LAMB4: variants seen among roughly 807,000 people sequenced by gnomAD.
LAMB4 encodes laminin subunit beta-4.
LAMB4 carries 196 observed loss-of-function variants against 199.2 expected under a neutral mutation model. That is an observed-to-expected ratio of 0.98 (90% confidence interval 0.88 to 1.11). The LOEUF is 1.11. Among genes scored for constraint, LAMB4 ranks in the 50% least tolerant of loss-of-function variants. The pLI, the probability that LAMB4 is intolerant of heterozygous loss-of-function variation, is 0.00. For missense variants in LAMB4, 2,080 were observed against 2,171.2 expected, an observed-to-expected ratio of 0.96 and a Z score of 0.83; for synonymous variants, 744 against 770.6, an observed-to-expected ratio of 0.97 and a Z score of 0.57.
chr7:108,025,726 C>T (rs970057530), intron 33 of LAMB4, among the ~76,000 whole-genome samples: 3 of 152,146 alleles, frequency 2.0e-5, no homozygotes, highest in Non-Finnish European at 4.4e-5. Flanking sequence ...CCACACCTGG[C>T]TGAAACTTTC....
chr7:108,070,030 T>G, intron 17 of LAMB4, 145 bp from the exon 18 acceptor site: 1 of 457,456 alleles, frequency 2.2e-6, no homozygotes. Flanking sequence ...CTGAAGACTT[T>G]AAAGATTTTC....
At chr7:108,110,713 G>A (rs1172894157) in intron 4 of LAMB4, among the ~76,000 whole-genome samples, 2 of 152,126 alleles carry the variant, frequency 1.3e-5, no homozygotes, top group Non-Finnish European at 2.9e-5. Context: ...GTTAGATGTG[G>A]GGGTCAAAAC....
the LAMB4 span, among the ~76,000 whole-genome samples, chr7:108,013,646 G>A: frequency 2.0e-5 from 3 of 152,016 alleles, no homozygotes; most frequent in Admixed American, 6.6e-5. Context: ...AATTATAATC[G>A]GGAAGGTAAA....
chr7:108,091,649 T>C lies in LAMB4; in HGVS notation c.1678A>G (p.Thr560Ala), dbSNP rs2037407869. ...ACCAAAGGCGCCAGTCCTTGGAGTG[T>C]TGTGGCTTCCTCTGCCTCGTAGAGA... ...FYLYEAEEAT[T>A]LQGLAPLGSE... The change falls in exon 14 of 34, where the codon ACA becomes GCA. Residue 560 changes from threonine (T) to alanine (A), a missense_variant. Coordinates refer to ENST00000388781, the MANE Select transcript of LAMB4 (RefSeq NM_007356.3). 1.2e-6 allele frequency: 2 copies of C among 1,613,558 alleles called. No individual in the cohort carries two copies. Among genetic ancestry groups the C allele is most frequent in the South Asian group, 1.1e-5 (1 of 91,032 alleles).
chr7:108,046,452 T>G (rs1422428244), intron 28 of LAMB4, among the ~76,000 whole-genome samples: 1 of 151,912 alleles, frequency 6.6e-6, no homozygotes, highest in African/African-American at 2.4e-5. Flanking sequence ...CAACATATAG[T>G]GGTAAAAAAT....
At position 108,036,026 on chromosome 7, in the gene LAMB4, T is replaced by G. The variant is rs188579901; in HGVS notation, c.4679+1362A>C. On this transcript the variant is annotated intron_variant, in intron 30 of 33. Transcript: ENST00000388781. Reference sequence around the variant, plus strand: ...GGTGCATGCCACCACACCGGCTAATTTTTGTATTTTTAGTAGAGACGGGTT... The same window carrying G: ...GGTGCATGCCACCACACCGGCTAATGTTTGTATTTTTAGTAGAGACGGGTT... Among the ~76,000 whole-genome samples the G allele has an allele frequency of 1.8e-3, 273 of 151,564 alleles. 1 individual carries two copies. Among genetic ancestry groups the G allele is most frequent in the African/African-American group, 6.5e-3 (268 of 41,292 alleles).
chr7:108,119,878 A>C (rs1046598071), intron 2 of LAMB4, among the ~76,000 whole-genome samples: 1 of 152,184 alleles, frequency 6.6e-6, no homozygotes, highest in East Asian at 1.9e-4. Flanking sequence ...AATTGGGTGA[A>C]GGGGTATATG....
intron 4 of LAMB4, among the ~76,000 whole-genome samples, 190 bp from the exon 5 acceptor site, chr7:108,109,434 G>A (rs977535732): frequency 2.6e-5 from 4 of 152,180 alleles, no homozygotes; most frequent in African/African-American, 9.7e-5. Flanking sequence ...AGCAAGATAG[G>A]TTTCACCCTG....
rs73424771 is a variant in LAMB4, at chr7:108,096,575, A to G, written c.1361-1238T>C. ...TGTGGTGATGATTACACAACTTCCA[A>G]TATACTAAAAATTATTGAATTGTTT... On this transcript the variant is annotated intron_variant, in intron 11 of 33. Transcript: ENST00000388781. Among the ~76,000 whole-genome samples the G allele has an allele frequency of 7.2e-3, 1,100 of 152,160 alleles. 18 individuals carry two copies. Among genetic ancestry groups the G allele is most frequent in the African/African-American group, 0.026 (1,059 of 41,492 alleles).
intron 17 of LAMB4, 66 bp from the exon 18 acceptor site, chr7:108,069,951 T>TA: frequency 7.7e-7 from 1 of 1,303,618 alleles, no homozygotes; most frequent in Non-Finnish European, 1.1e-6. Context: ...TACTTACATA[T>TA]AAAAAAATTA....
In LAMB4 at chr7:108,034,249, G is replaced by T. The variant is rs200072693; in HGVS notation, c.4777C>A (p.Leu1593Met). 45 of 1,614,008 alleles carry T rather than the reference G, an allele frequency of 2.8e-5. No homozygotes were observed. In the East Asian group the frequency reaches 9.4e-4, roughly 34 times the overall value. The change falls in exon 31 of 34, where the codon CTG becomes ATG. Residue 1593 changes from leucine (L) to methionine (M), a missense_variant. By Grantham distance (15) the Leu-to-Met change is conservative (BLOSUM62 2). Transcript: ENST00000388781. ...TTTATTTTTGTTATATTGGCAGTCA[G>T]CTGTGTAATGGTAGAGTTTGCCCGT... The part of the protein sequence containing the change: ...QGRANSTITQ[L>M]TANITKIKKN...
At chr7:108,126,789 C>G (rs1377903009) in intron 1 of LAMB4, among the ~76,000 whole-genome samples, 2 of 150,712 alleles carry the variant, frequency 1.3e-5, no homozygotes, top group Non-Finnish European at 2.9e-5. Flanking sequence ...AGGATGGTCT[C>G]GATCTCCTGA....
intron 26 of LAMB4, among the ~76,000 whole-genome samples, chr7:108,051,175 G>C (rs2035814541): frequency 6.6e-6 from 1 of 152,156 alleles, no homozygotes; most frequent in African/African-American, 2.4e-5. Flanking sequence ...TTAGGAATCA[G>C]AGTAGATTCC....
In LAMB4 at chr7:108,047,992, G is replaced by A. The variant is rs1433302794; in HGVS notation, c.4242C>T (p.Leu1414=). 1 of 1,614,152 alleles carries A rather than the reference G, an allele frequency of 6.2e-7. No homozygotes were observed. The highest frequency in any genetic ancestry group is 1.7e-5 in the Admixed American group (1 of 60,008). ...GGGCTTTTTGGAGGGCATTCGTTGA[G>A]AGGGTCAGGGAGCCGTGACAGCCGG... is the stretch of plus-strand genomic sequence containing the variant. ...RGPGCHGSLT[L]STNALQKAQE... Residue 1414 remains leucine (L), a synonymous_variant, in exon 28 of 34, where the codon CTC becomes CTT. Transcript: ENST00000388781.
At chr7:108,109,138 TA>T in intron 5 of LAMB4, 32 bp downstream of exon 5, 1 of 1,483,478 alleles carries the variant, frequency 6.7e-7, no homozygotes, top group Non-Finnish European at 9.4e-7. Context: ...AGGGAATAGA[TA>T]AAAGAGGGGC....
Position 108,047,986 on chromosome 7 carries a change from C to T in LAMB4, c.4248G>A (p.Thr1416=), listed in dbSNP as rs772546889. The change falls in exon 28 of 34, where the codon ACG becomes ACA. Residue 1416 remains threonine, a synonymous_variant. Coordinates refer to ENST00000388781, the MANE Select transcript of LAMB4 (RefSeq NM_007356.3). ...CTTCCTGGGCTTTTTGGAGGGCATT[C>T]GTTGAGAGGGTCAGGGAGCCGTGAC... The part of the protein sequence containing the change: ...PGCHGSLTLS[T]NALQKAQEAK... 4.3e-6 allele frequency: 7 copies of T among 1,614,022 alleles called. No homozygotes were observed. In the African/African-American group the frequency reaches 8.0e-5, roughly 18 times the overall value.
chr7:108,106,047 T>A lies in LAMB4; in HGVS notation c.656-16A>T. Reference sequence around the variant, plus strand: ...GTCACAAGGTCTAAAGAAAGGAAAATAATGAATCAAAGTGAATTTGAGGTG... The same window carrying A: ...GTCACAAGGTCTAAAGAAAGGAAAAAAATGAATCAAAGTGAATTTGAGGTG... On this transcript the variant is annotated splice_polypyrimidine_tract_variant and intron_variant, in intron 7 of 33. Coordinates refer to ENST00000388781, the MANE Select transcript of LAMB4 (RefSeq NM_007356.3). The A allele has an allele frequency of 6.3e-7, 1 of 1,595,166 alleles. No individual in the cohort carries two copies. The highest frequency in any genetic ancestry group is 8.6e-7 in the Non-Finnish European group (1 of 1,162,914).
rs1376666236 is a variant in LAMB4, at chr7:108,105,910, C to T, written c.777G>A (p.Met259Ile). The change falls in exon 8 of 34, where the codon ATG becomes ATA. Residue 259 changes from methionine (M) to isoleucine (I), a missense_variant. Coordinates refer to ENST00000388781, the MANE Select transcript of LAMB4 (RefSeq NM_007356.3). Reference protein sequence around the residue: ...LDKYYYALYEMIVRGSCFCNG... With the variant: ...LDKYYYALYEIIVRGSCFCNG... ...TGCAAAAGCAGCTTCCCCGAACAAT[C>T]ATCTCGTACAGAGCATAGTAGTATT... is the stretch of plus-strand genomic sequence containing the variant. The T allele has an allele frequency of 6.8e-6, 11 of 1,614,126 alleles. No individual in the cohort carries two copies. The highest frequency in any genetic ancestry group is 8.5e-6 in the Non-Finnish European group (10 of 1,180,048).
rs2036285151 is a variant in LAMB4, at chr7:108,064,957, G to A, written c.2836+805C>T. 1.3e-5 allele frequency among the ~76,000 whole-genome samples: 2 copies of A among 149,252 alleles called. 1 individual carries two copies. Among genetic ancestry groups the A allele is most frequent in the Admixed American group, 1.3e-4 (2 of 14,976 alleles). ...TCTGTTGCATAGGCCCCAGGCTGGAGTGTAGTGGCATAATCAGAGCTCACT... is the reference window on the plus strand; with the variant it reads ...TCTGTTGCATAGGCCCCAGGCTGGAATGTAGTGGCATAATCAGAGCTCACT... On this transcript the variant is annotated intron_variant, in intron 21 of 33. Transcript: ENST00000388781.
Sources: allele counts gnomAD v4.1 joint callset (sites outside exome capture counted in the v4.1 genomes callset), GRCh38; gene constraint gnomAD v4.1.1; transcripts MANE v1.5; gene names NCBI Gene and HGNC (gene_info 2026-07-23, HGNC 2026-07-21).